Variants in NBAS observed in about 807,000 individuals in gnomAD.
The protein encoded by NBAS is NAG/BC035112 fusion.
Under a neutral mutation model 302.5 loss-of-function variants are expected in NBAS, and 219 were observed. The ratio of observed to expected loss-of-function variants is 0.72; its 90% confidence interval spans 0.65 to 0.81. NBAS has a LOEUF of 0.81. Ranked by LOEUF, NBAS falls within the 30% of genes least tolerant of loss-of-function variation. NBAS has a pLI of 0.00. For missense variants in NBAS, 2,932 were observed against 2,841.6 expected, an observed-to-expected ratio of 1.03 and a Z score of -0.72; for synonymous variants, 1,118 against 1,021.6, an observed-to-expected ratio of 1.09 and a Z score of -1.80.
At chr2:15,472,125 C>G (rs1262030052) in intron 16 of NBAS, among the ~76,000 whole-genome samples, 1 of 152,166 alleles carries the variant, frequency 6.6e-6, no homozygotes, top group East Asian at 1.9e-4. Context: ...CCCCTCAAAG[C>G]CAGCTCTGTG....
At chr2:15,236,988 A>G (rs998368434) in intron 45 of NBAS, among the ~76,000 whole-genome samples, 1 of 152,170 alleles carries the variant, frequency 6.6e-6, no homozygotes, top group Non-Finnish European at 1.5e-5. Context: ...CATTACCTGA[A>G]GTCTCCACTG....
chr2:15,143,168 A>G, the NBAS span, among the ~76,000 whole-genome samples: 1 of 152,218 alleles, frequency 6.6e-6, no homozygotes, highest in South Asian at 2.1e-4. Flanking sequence ...GGGCTTGACC[A>G]GGTACTCAGC....
chr2:15,532,333 C>T (rs1663260035), intron 9 of NBAS, among the ~76,000 whole-genome samples: 1 of 151,348 alleles, frequency 6.6e-6, no homozygotes, highest in Non-Finnish European at 1.5e-5. Context: ...ACTAAAAATA[C>T]AAAAAATTAG....
chr2:15,539,994 A>C (rs1390212565), intron 6 of NBAS, among the ~76,000 whole-genome samples: 4 of 152,142 alleles, frequency 2.6e-5, no homozygotes, highest in African/African-American at 9.7e-5. Flanking sequence ...TCAGCAACTG[A>C]ATTTTTTTCT....
the NBAS span, among the ~76,000 whole-genome samples, chr2:15,065,056 A>G: frequency 2.0e-5 from 3 of 152,294 alleles, no homozygotes; most frequent in South Asian, 6.2e-4. Flanking sequence ...TTCATAATAA[A>G]AACTCTCAAC....
chr2:15,471,802 AT>A lies in NBAS; in HGVS notation c.1725+1419del, dbSNP rs1679968220. 2.0e-5 allele frequency among the ~76,000 whole-genome samples: 3 copies of A among 152,292 alleles called. No homozygotes were observed. In the East Asian group the frequency reaches 5.8e-4, roughly 29 times the overall value. ...TCTTTCTCTCTCTCTGCTGTCTGCC[AT>A]ATAAGGACACAGCAAGAAAGAAATC... On this transcript the variant is annotated intron_variant, in intron 16 of 51. Transcript: ENST00000281513.
At chr2:15,243,091 TCA>T (rs1667934839) in intron 44 of NBAS, among the ~76,000 whole-genome samples, 2 of 152,118 alleles carry the variant, frequency 1.3e-5, no homozygotes, top group East Asian at 3.9e-4. Context: ...CTGCCACCAC[TCA>T]GTTCCCAGCC....
At chr2:14,850,689 C>T in the NBAS span, among the ~76,000 whole-genome samples, 4 of 71,652 alleles carry the variant, frequency 5.6e-5, no homozygotes, top group South Asian at 1.8e-3. Context: ...GTAAAGCTCT[C>T]CTCAGCAAAT....
At chr2:15,210,282 A>T (rs1666347488) in intron 48 of NBAS, among the ~76,000 whole-genome samples, 1 of 152,148 alleles carries the variant, frequency 6.6e-6, no homozygotes, top group African/African-American at 2.4e-5. Context: ...ATAGAAAAAA[A>T]ATAATTATCT....
chr2:15,044,575 TGAG>T, the NBAS span, among the ~76,000 whole-genome samples: 1 of 152,224 alleles, frequency 6.6e-6, no homozygotes, highest in African/African-American at 2.4e-5. Context: ...CCATGGAACA[TGAG>T]GAGACTCTAT....
At chr2:14,866,486 T>C in the NBAS span, among the ~76,000 whole-genome samples, 14 of 152,266 alleles carry the variant, frequency 9.2e-5, no homozygotes, top group African/African-American at 3.1e-4. Context: ...ATATTATCCA[T>C]ATTTTTATTT....
At chr2:14,980,285 C>A in the NBAS span, among the ~76,000 whole-genome samples, 348 of 152,214 alleles carry the variant, frequency 2.3e-3, 1 homozygote, top group African/African-American at 8.3e-3. Flanking sequence ...GCAACTCCCA[C>A]GAGAAATCTT....
chr2:15,480,840 G>A (rs1680400726), intron 12 of NBAS, among the ~76,000 whole-genome samples: 2 of 152,276 alleles, frequency 1.3e-5, no homozygotes, highest in South Asian at 4.1e-4. Context: ...TTAGCATAAT[G>A]TAAAATTAAC....
chr2:14,783,655 G>C, the NBAS span, among the ~76,000 whole-genome samples: 1 of 151,264 alleles, frequency 6.6e-6, no homozygotes, highest in African/African-American at 2.4e-5. Context: ...TGAACTCATC[G>C]TTTTTTATGG....
chr2:15,213,299 T>C (rs1242637008), intron 48 of NBAS, among the ~76,000 whole-genome samples: 3 of 152,232 alleles, frequency 2.0e-5, no homozygotes, highest in African/African-American at 7.2e-5. Flanking sequence ...TCCACACATA[T>C]TGCCCTGTTC....
the NBAS span, among the ~76,000 whole-genome samples, chr2:14,909,624 A>G: frequency 6.6e-6 from 1 of 152,216 alleles, no homozygotes; most frequent in African/African-American, 2.4e-5. Context: ...ATGCTGTTGT[A>G]GGAAAAATTG....
chr2:15,247,468 G>A (rs1375657174), intron 44 of NBAS, among the ~76,000 whole-genome samples: 1 of 151,934 alleles, frequency 6.6e-6, no homozygotes. Context: ...AAGAGCCATC[G>A]GTGTGCTCTA....
the NBAS span, among the ~76,000 whole-genome samples, chr2:15,057,048 T>C: frequency 6.6e-6 from 1 of 152,050 alleles, no homozygotes; most frequent in East Asian, 1.9e-4. Context: ...CAGGCTGGTC[T>C]TGAACTCCTG....
intron 38 of NBAS, among the ~76,000 whole-genome samples, chr2:15,311,906 C>T (rs965304389): frequency 3.3e-5 from 5 of 152,192 alleles, no homozygotes; most frequent in Admixed American, 1.3e-4. Context: ...CCTTTCTTTT[C>T]ACTGCTAACC....
Sources: gnomAD v4.1 joint callset for allele counts (sites outside exome capture counted in the v4.1 genomes callset) on GRCh38, gnomAD v4.1.1 for gene constraint, MANE v1.5 for transcripts, NCBI Gene and HGNC (gene_info 2026-07-23, HGNC 2026-07-21) for gene names.